PCDHGA1: variants seen among roughly 807,000 people sequenced by gnomAD.
PCDHGA1 encodes the protein protocadherin gamma subfamily A, 1, also known as protocadherin gamma-A1.
Under a neutral mutation model 58.0 loss-of-function variants are expected in PCDHGA1, and 32 were observed. The observed-to-expected ratio is 0.55, with a 90% CI of 0.42 to 0.74. PCDHGA1 has a LOEUF of 0.74. PCDHGA1 is among the 30% of genes least tolerant of loss of function. The pLI, the probability that PCDHGA1 is intolerant of heterozygous loss-of-function variation, is 0.00. For synonymous variants in PCDHGA1, 498 were observed against 501.1 expected, an observed-to-expected ratio of 0.99 and a Z score of 0.08; for missense variants, 1,205 against 1,182.3, an observed-to-expected ratio of 1.02 and a Z score of -0.28.
chr5:141,496,287 C>T (rs768553690), intron 2 of PCDHGA1, among the ~76,000 whole-genome samples: 3 of 152,200 alleles, frequency 2.0e-5, no homozygotes, highest in Non-Finnish European at 4.4e-5. Flanking sequence ...TTGGTCTGAG[C>T]AGAGTGGGAT....
chr5:141,483,892 A>C (rs1463395859), intron 1 of PCDHGA1, among the ~76,000 whole-genome samples: 1 of 151,652 alleles, frequency 6.6e-6, no homozygotes, highest in Non-Finnish European at 1.5e-5. Flanking sequence ...TATTTCTCTG[A>C]GCTCTGGTGT....
chr5:141,344,123 G>C, intron 1 of PCDHGA1: 22 of 1,614,050 alleles, frequency 1.4e-5, no homozygotes, highest in Non-Finnish European at 1.8e-5. Flanking sequence ...GATCCGGTCA[G>C]ATCCGCTACT....
intron 1 of PCDHGA1, chr5:141,364,699 A>G (rs1465164729): frequency 1.2e-6 from 2 of 1,613,874 alleles, no homozygotes; most frequent in Non-Finnish European, 1.7e-6. Flanking sequence ...AAGTAGAAAT[A>G]ATCGATATTA....
intron 1 of PCDHGA1, among the ~76,000 whole-genome samples, chr5:141,474,248 A>G (rs2099346089): frequency 6.6e-6 from 1 of 152,220 alleles, no homozygotes; most frequent in African/African-American, 2.4e-5. Context: ...TAGGGGAAAA[A>G]AAGACTGATA....
intron 1 of PCDHGA1, chr5:141,389,614 C>G: frequency 6.2e-7 from 1 of 1,613,062 alleles, no homozygotes; most frequent in South Asian, 1.1e-5. Flanking sequence ...GATATGGTGC[C>G]GCACGCTGCA....
chr5:141,344,733 G>C, intron 1 of PCDHGA1: 1 of 1,613,978 alleles, frequency 6.2e-7, no homozygotes. Context: ...GATAGTCCTG[G>C]ATGCAAATGA....
At chr5:141,356,550 C>T (rs954388230) in intron 1 of PCDHGA1, 1 of 1,614,172 alleles carries the variant, frequency 6.2e-7, no homozygotes, top group Non-Finnish European at 8.5e-7. Flanking sequence ...ACAACCCACC[C>T]ACTTTCCCTC....
At chr5:141,361,581 C>A (rs1306719531) in intron 1 of PCDHGA1, 2 of 1,614,056 alleles carry the variant, frequency 1.2e-6, no homozygotes, top group Admixed American at 1.7e-5. Context: ...CTGACTTGGG[C>A]CCCAGTGGCC....
rs530356030 is a variant in PCDHGA1 at position 141,426,463 on chromosome 5, GATTT to G, written c.2422-68340_2422-68337del. 309 of 318,428 alleles carry G rather than the reference GATTT, an allele frequency of 9.7e-4. 2 individuals are homozygous for G. Among genetic ancestry groups the G allele is most frequent in the Non-Finnish European group, 1.6e-3 (252 of 160,518 alleles). 19.7% of individuals were successfully genotyped at this position (318,428 alleles called of 1,614,324 possible). A position where few individuals can be genotyped will look rare whatever the true frequency, so the allele number is the denominator to read the frequency against. ...GGAGGACATGCGGCTGCATGTTCAGGATTTATTGACCTGAAACCTTAGAGTTAGT... is the reference window on the plus strand; with the variant it reads ...GGAGGACATGCGGCTGCATGTTCAGGATTGACCTGAAACCTTAGAGTTAGT... On this transcript the variant is annotated intron_variant, in intron 1 of 3. Transcript: ENST00000517417.
chr5:141,375,418 C>T, intron 1 of PCDHGA1: 2 of 1,613,972 alleles, frequency 1.2e-6, no homozygotes, highest in Non-Finnish European at 1.7e-6. Context: ...TGGCAGACAC[C>T]AACGACAACC....
intron 1 of PCDHGA1, chr5:141,339,838 A>G: frequency 6.2e-7 from 1 of 1,614,190 alleles, no homozygotes; most frequent in Non-Finnish European, 8.5e-7. Flanking sequence ...GAGAAACCTC[A>G]GAGGTATTTG....
At chr5:141,374,630 C>T (rs1273504244) in intron 1 of PCDHGA1, 1 of 1,613,140 alleles carries the variant, frequency 6.2e-7, no homozygotes, top group South Asian at 1.1e-5. Flanking sequence ...AGTGGACGTG[C>T]AAAGCGAAGC....
intron 1 of PCDHGA1, chr5:141,367,812 C>T (rs1012186611): frequency 2.6e-5 from 4 of 151,872 alleles, no homozygotes; most frequent in African/African-American, 9.7e-5. Context: ...ATAGATAAAC[C>T]CTTTACTTAT....
chr5:141,415,182 C>T (rs2095840318), intron 1 of PCDHGA1: 2 of 1,613,842 alleles, frequency 1.2e-6, no homozygotes, highest in Non-Finnish European at 1.7e-6. Flanking sequence ...TGGCCGTGGC[C>T]GACAGCATCC....
At chr5:141,385,023 C>T in intron 1 of PCDHGA1, 1 of 1,614,170 alleles carries the variant, frequency 6.2e-7, no homozygotes, top group East Asian at 2.2e-5. Flanking sequence ...TAGCCTTCGT[C>T]CTCGTACTGC....
chr5:141,344,683 G>C, intron 1 of PCDHGA1: 2 of 1,613,978 alleles, frequency 1.2e-6, no homozygotes, highest in Non-Finnish European at 1.7e-6. Context: ...GCCTCTGATG[G>C]TGGCGACCCT....
rs759226115 is a variant in PCDHGA1 at position 141,405,385 on chromosome 5, AT to A, written c.2421+72288del. On this transcript the variant is annotated intron_variant, in intron 1 of 3. Transcript: ENST00000517417. ...ACACCCCTTTGGTTCCGGTGAGTTC[AT>A]TTTTTTTCTTTCTTTCTTTTCTTTT... 1.8e-5 allele frequency: 29 copies of A among 1,599,886 alleles called. No homozygotes were observed. In the East Asian group the frequency reaches 2.2e-4, roughly 12 times the overall value.
intron 1 of PCDHGA1, chr5:141,356,584 C>G: frequency 6.2e-7 from 1 of 1,614,182 alleles, no homozygotes; most frequent in Non-Finnish European, 8.5e-7. Context: ...TGCTTACATT[C>G]CTGAAAACAA....
At chr5:141,481,346 C>T (rs2099536003) in intron 1 of PCDHGA1, among the ~76,000 whole-genome samples, 1 of 152,248 alleles carries the variant, frequency 6.6e-6, no homozygotes, top group Non-Finnish European at 1.5e-5. Context: ...ATTATTTAAA[C>T]ATCTACAGCT....
Sources: gnomAD v4.1 joint callset for allele counts (sites outside exome capture counted in the v4.1 genomes callset) on GRCh38, gnomAD v4.1.1 for gene constraint, MANE v1.5 for transcripts, NCBI Gene and HGNC (gene_info 2026-07-23, HGNC 2026-07-21) for gene names.